The following SEPTIN9 variants were observed in gnomAD, a reference collection of about 807,000 sequenced individuals.
SEPTIN9 encodes the protein septin-9.
Under a neutral mutation model 56.6 loss-of-function variants are expected in SEPTIN9, and 13 were observed. The ratio of observed to expected loss-of-function variants is 0.23; its 90% CI spans 0.15 to 0.37. The LOEUF (loss-of-function observed/expected upper bound fraction) is 0.37. SEPTIN9 is among the 10% of genes least tolerant of loss of function. The pLI is 1.00. For synonymous variants in SEPTIN9, 332 were observed against 334.1 expected (o/e 0.99, Z 0.07); for missense variants, 650 against 823.1 (o/e 0.79, Z 2.57).
At chr17:77,314,786 C>T (rs1182349742) in intron 2 of SEPTIN9, among the ~76,000 whole-genome samples, 1 of 152,246 alleles carries the variant, frequency 6.6e-6, no homozygotes. Flanking sequence ...TTCTGGATGG[C>T]TGGACCAGCC....
chr17:77,439,708 C>T (rs768569906), intron 3 of SEPTIN9, among the ~76,000 whole-genome samples: 15 of 152,320 alleles, frequency 9.8e-5, no homozygotes, highest in East Asian at 3.9e-4. Flanking sequence ...ACTTTATGAC[C>T]GGCCCTGTCA....
At chr17:77,362,608 CA>C (rs1430418608) in intron 2 of SEPTIN9, among the ~76,000 whole-genome samples, 3 of 152,218 alleles carry the variant, frequency 2.0e-5, no homozygotes, top group Non-Finnish European at 4.4e-5. Context: ...AGAGGAAGGC[CA>C]GGGGCAGACG....
chr17:77,379,973 C>T (rs745733338), intron 2 of SEPTIN9: 23 of 154,764 alleles, frequency 1.5e-4, no homozygotes, highest in Non-Finnish European at 2.9e-4. Flanking sequence ...CCAAAGGGTC[C>T]GGAACTCTCT....
intron 2 of SEPTIN9, among the ~76,000 whole-genome samples, chr17:77,360,587 C>A (rs974063479): frequency 2.7e-4 from 40 of 150,210 alleles, no homozygotes; most frequent in African/African-American, 9.6e-4. Context: ...TTTTTTGAGA[C>A]GGAGTCTCGC....
chr17:77,451,263 G>A lies in SEPTIN9; in HGVS notation c.722-30881G>A. 4.7e-6 allele frequency: 3 copies of A among 637,444 alleles called. No homozygotes were observed. The highest frequency in any genetic ancestry group is 5.9e-6 in the Non-Finnish European group (3 of 511,720). The allele number at this position is 637,444 out of a possible 1,614,324, so 39.5% of individuals were successfully genotyped here. On this transcript the variant is annotated intron_variant, in intron 3 of 11. Coordinates refer to ENST00000427177, the MANE Select transcript of SEPTIN9 (RefSeq NM_001113491.2). The surrounding 1 kb of genome is among the most constrained non-coding windows in gnomAD (Gnocchi z 4.2). The stretch of plus-strand genomic sequence containing the variant: ...CCTCCCGTGCCTTCAGGTTGCTTCT[G>A]CGCCGGGCCTGCCGCTGGGCGCCCC...
Position 77,471,836 on chromosome 17 carries a change from G to A in SEPTIN9, c.722-10308G>A, listed in dbSNP as rs1188273255. ...TTGGGGTTGCTTTGAGGTAGGGGCC[G>A]CTCCTGCTGGAAGGTTCCTTGGGGT... is the stretch of plus-strand genomic sequence containing the variant. On this transcript the variant is annotated intron_variant, in intron 3 of 11. Transcript: ENST00000427177. 2.0e-5 allele frequency among the ~76,000 whole-genome samples: 3 copies of A among 152,204 alleles called. No homozygotes were observed. The South Asian group carries it at 6.2e-4, about 32-fold the overall frequency.
chr17:77,366,059 T>C (rs312886), intron 2 of SEPTIN9, among the ~76,000 whole-genome samples: 152,120 of 152,228 alleles, frequency 1, 76,007 homozygotes, highest in East Asian at 1. Context: ...CTGGCTGGCA[T>C]GAGTTCTAGC....
Position 77,389,471 on chromosome 17 carries a change from C to T in SEPTIN9, c.77-12588C>T, listed in dbSNP as rs1338212787. ...AGGAAAGCCTCATTTTGGGGGACTC[C>T]GTACTTAACCTTTGAGGCCCTCAGA... On this transcript the variant is annotated intron_variant, in intron 2 of 11. Transcript: ENST00000427177. The surrounding 1 kb of genome is among the most constrained non-coding windows in gnomAD (Gnocchi z 4.3). Among the ~76,000 whole-genome samples, 1 of 151,980 alleles carries T rather than the reference C, an allele frequency of 6.6e-6. No homozygotes were observed. The highest frequency in any genetic ancestry group is 2.4e-5 in the African/African-American group (1 of 41,356).
intron 2 of SEPTIN9, chr17:77,373,201 G>A: frequency 9.1e-7 from 1 of 1,093,392 alleles, no homozygotes; most frequent in Non-Finnish European, 1.1e-6. Context: ...CCCAGGCCTG[G>A]CCTTGACAGG....
At chr17:77,373,090 C>G (rs2034775065) in intron 2 of SEPTIN9, 1 of 650,528 alleles carries the variant, frequency 1.5e-6, no homozygotes, top group Non-Finnish European at 1.9e-6. Context: ...GCTGAGGCCG[C>G]GTCTCTCGCC....
At chr17:77,354,575 T>C (rs1300653852) in intron 2 of SEPTIN9, among the ~76,000 whole-genome samples, 1 of 152,100 alleles carries the variant, frequency 6.6e-6, no homozygotes, top group African/African-American at 2.4e-5. Context: ...CCGGAGCCCC[T>C]CCTGCCTGCA....
intron 3 of SEPTIN9, among the ~76,000 whole-genome samples, chr17:77,464,329 C>T (rs765461352): frequency 2.6e-5 from 4 of 152,188 alleles, no homozygotes; most frequent in Non-Finnish European, 4.4e-5. Flanking sequence ...TGGCCCATGT[C>T]GGCTTCCCAA....
At chr17:77,383,797 C>T (rs1323311048) in intron 2 of SEPTIN9, among the ~76,000 whole-genome samples, 2 of 152,292 alleles carry the variant, frequency 1.3e-5, no homozygotes, top group African/African-American at 2.4e-5. Flanking sequence ...GCAGAGGGCG[C>T]GATGGCCCAG....
intron 2 of SEPTIN9, among the ~76,000 whole-genome samples, chr17:77,349,345 G>A (rs867806468): frequency 3.9e-5 from 6 of 152,308 alleles, no homozygotes; most frequent in South Asian, 2.1e-4. Flanking sequence ...TCGAACTCCT[G>A]ACCTCAAGTG....
At chr17:77,432,084 G>A (rs779049268) in intron 3 of SEPTIN9, among the ~76,000 whole-genome samples, 18 of 152,176 alleles carry the variant, frequency 1.2e-4, no homozygotes, top group Non-Finnish European at 2.5e-4. Flanking sequence ...CTCTCTCTGC[G>A]TGTTTCATGG....
chr17:77,345,140 A>G (rs1376842027), intron 2 of SEPTIN9, among the ~76,000 whole-genome samples: 1 of 152,060 alleles, frequency 6.6e-6, no homozygotes, highest in Non-Finnish European at 1.5e-5. Flanking sequence ...AGAAAGTGGG[A>G]TGGAGGTTGC....
chr17:77,325,561 C>T (rs1360776149), intron 2 of SEPTIN9, among the ~76,000 whole-genome samples: 1 of 152,058 alleles, frequency 6.6e-6, no homozygotes, highest in Non-Finnish European at 1.5e-5. Flanking sequence ...AGGGCCAGCC[C>T]GGGGCGTCCT....
rs538254876 is a variant in SEPTIN9 at position 77,283,221 on chromosome 17, T to C, written c.19+1667T>C. 3.4e-4 allele frequency among the ~76,000 whole-genome samples: 51 copies of C among 151,540 alleles called. No homozygotes were observed. In the South Asian group the frequency reaches 8.6e-3, roughly 26 times the overall value. ...CTTTTGCAGTAGGTGGAAGTAGAGT[T>C]TGTGGAGTGAGCAGGAACCAACTCT... On this transcript the variant is annotated intron_variant, in intron 1 of 11. Coordinates refer to ENST00000427177, the MANE Select transcript of SEPTIN9 (RefSeq NM_001113491.2).
At position 77,330,248 on chromosome 17, in the gene SEPTIN9, G is replaced by C. The variant is rs1310271329; in HGVS notation, c.76+23051G>C. Among the ~76,000 whole-genome samples, 3 of 152,212 alleles carry C rather than the reference G, an allele frequency of 2.0e-5. No homozygotes were observed. Among genetic ancestry groups the C allele is most frequent in the Non-Finnish European group, 4.4e-5 (3 of 68,032 alleles). On this transcript the variant is annotated intron_variant, in intron 2 of 11. Coordinates refer to ENST00000427177, the MANE Select transcript of SEPTIN9 (RefSeq NM_001113491.2). The surrounding 1 kb of genome is among the most constrained non-coding windows in gnomAD (Gnocchi z 4.4). ...CCCCTCTTGGAGCACCTGCTGCTCC[G>C]GGTGCCTCTGGGGGCGGGCCCCCAC...
Sources: gnomAD v4.1 joint callset for allele counts (sites outside exome capture counted in the v4.1 genomes callset) on GRCh38, gnomAD v4.1.1 for gene constraint, Gnocchi (gnomAD v3.1) non-coding constraint, MANE v1.5 for transcripts, NCBI Gene and HGNC (gene_info 2026-07-23, HGNC 2026-07-21) for gene names.